GUCY1A2: variants seen among roughly 807,000 people sequenced by gnomAD.
GUCY1A2 encodes guanylate cyclase soluble subunit alpha-2.
Under a neutral mutation model 63.5 loss-of-function variants are expected in GUCY1A2, and 27 were observed. The ratio of observed to expected loss-of-function variants is 0.43; its 90% CI spans 0.31 to 0.59. The LOEUF (loss-of-function observed/expected upper bound fraction) is 0.59. GUCY1A2 is among the 20% of genes least tolerant of loss of function. GUCY1A2 has a pLI of 0.11. For synonymous variants in GUCY1A2, 364 were observed against 343.5 expected (o/e 1.06, Z -0.66); for missense variants, 768 against 913.3 (o/e 0.84, Z 2.05).
At chr11:106,997,392 G>A (rs1343264858) in intron 1 of GUCY1A2, among the ~76,000 whole-genome samples, 1 of 152,094 alleles carries the variant, frequency 6.6e-6, no homozygotes, top group African/African-American at 2.4e-5. Context: ...CAGAAGCCCA[G>A]AGCATACAAA....
In GUCY1A2 at chr11:106,676,926, AAC is replaced by A. The variant is rs894639422; in HGVS notation, c.*10621_*10622del. On this transcript the variant is annotated 3_prime_UTR_variant, in exon 8 of 8. Transcript: ENST00000526355. ...AAAGTGTTTAAATTCAATGAAAATG[AAC>A]ACACATAGATTTTTATAGACCCACA... is the stretch of plus-strand genomic sequence containing the variant. The A allele has an allele frequency of 1.4e-5, 3 of 208,032 alleles. No homozygotes were observed. The highest frequency in any genetic ancestry group is 2.9e-5 in the Non-Finnish European group (3 of 101,826). 12.9% of individuals were successfully genotyped at this position (208,032 alleles called of 1,614,324 possible). A position where few individuals can be genotyped will look rare whatever the true frequency, so the allele number is the denominator to read the frequency against.
chr11:106,797,497 C>T (rs1383489956), intron 5 of GUCY1A2, among the ~76,000 whole-genome samples: 4 of 152,242 alleles, frequency 2.6e-5, no homozygotes, highest in South Asian at 2.1e-4. Flanking sequence ...AGCACCACAT[C>T]GCAGTTATTC....
At chr11:106,803,224 C>A (rs547653822) in intron 5 of GUCY1A2, among the ~76,000 whole-genome samples, 1 of 152,142 alleles carries the variant, frequency 6.6e-6, no homozygotes, top group African/African-American at 2.4e-5. Flanking sequence ...AGACATCCCA[C>A]GAGTCATTCT....
intron 1 of GUCY1A2, among the ~76,000 whole-genome samples, chr11:106,993,703 C>T (rs755944648): frequency 1.9e-4 from 29 of 152,056 alleles, no homozygotes; most frequent in Admixed American, 6.6e-4. Flanking sequence ...ATCCGAAAAA[C>T]ATATGTAAGA....
At position 106,680,832 on chromosome 11, in the gene GUCY1A2, G is replaced by A. The variant is rs1862420637; in HGVS notation, c.*6717C>T. 1 of 207,042 alleles carries A rather than the reference G, an allele frequency of 4.8e-6. No individual in the cohort carries two copies. The highest frequency in any genetic ancestry group is 9.9e-6 in the Non-Finnish European group (1 of 101,470). The allele number at this position is 207,042 out of a possible 1,614,324, so 12.8% of individuals were successfully genotyped here. A position where few individuals can be genotyped will look rare whatever the true frequency, so the allele number is the denominator to read the frequency against. ...AATGGGTTCATATTCATGTTTAGGG[G>A]ATTGTTTACCTTGCAGGGCAATAAT... On this transcript the variant is annotated 3_prime_UTR_variant, in exon 8 of 8. Transcript: ENST00000526355.
intron 4 of GUCY1A2, among the ~76,000 whole-genome samples, chr11:106,931,012 C>A (rs1305651949): frequency 6.6e-6 from 1 of 152,226 alleles, no homozygotes; most frequent in Non-Finnish European, 1.5e-5. Context: ...AAAGCCCAGA[C>A]TTACATTTCT....
At position 106,924,512 on chromosome 11, in the gene GUCY1A2, A is replaced by G. The variant is rs113942767; in HGVS notation, c.1206+14948T>C. ...TGGCACAGGCTCTATCTAGAGCCTG[A>G]CCATTTGGGTCCAATATTGTCCTTG... On this transcript the variant is annotated intron_variant, in intron 4 of 7. Transcript: ENST00000526355. 1.3e-3 allele frequency among the ~76,000 whole-genome samples: 197 copies of G among 152,314 alleles called. 1 individual carries two copies. The highest frequency in any genetic ancestry group is 4.5e-3 in the African/African-American group (185 of 41,570).
At chr11:106,786,266 TC>T (rs374392302) in intron 5 of GUCY1A2, among the ~76,000 whole-genome samples, 2,119 of 152,330 alleles carry the variant, frequency 0.014, 26 homozygotes, top group Middle Eastern at 0.051. Context: ...CTTCATTCTT[TC>T]TTTAAAAAAA....
intron 1 of GUCY1A2, among the ~76,000 whole-genome samples, chr11:107,013,890 G>A (rs1246520853): frequency 6.6e-6 from 1 of 152,038 alleles, no homozygotes; most frequent in Non-Finnish European, 1.5e-5. Flanking sequence ...GAAGTTCCAT[G>A]AAATCAAAGA....
At chr11:106,999,171 A>C (rs1313455002) in intron 1 of GUCY1A2, among the ~76,000 whole-genome samples, 2 of 152,234 alleles carry the variant, frequency 1.3e-5, no homozygotes, top group African/African-American at 2.4e-5. Flanking sequence ...ATTTTACATT[A>C]GGTATTTAAA....
rs189105205 is a variant in GUCY1A2 at position 106,865,821 on chromosome 11, C to T, written c.1207-55343G>A. ...TAATAATAATAATAATAAAAAGAAA[C>T]ATAATCCCAGACTTGAATTCTTTCT... On this transcript the variant is annotated intron_variant, in intron 4 of 7. Transcript: ENST00000526355. 1.9e-3 allele frequency among the ~76,000 whole-genome samples: 293 copies of T among 151,598 alleles called. 2 individuals carry two copies. The highest frequency in any genetic ancestry group is 7.2e-4 in the Non-Finnish European group (49 of 67,862).
chr11:106,683,221 A>C lies in GUCY1A2; in HGVS notation c.*4328T>G, dbSNP rs1031710943. ...TAAGCTATGATTATAGAAGCCTCTG[A>C]AATGACATAATTTTTGTAGCTGAAG... is the stretch of plus-strand genomic sequence containing the variant. On this transcript the variant is annotated 3_prime_UTR_variant, in exon 8 of 8. Transcript: ENST00000526355. The C allele has an allele frequency of 4.6e-6, 1 of 216,228 alleles. No individual in the cohort carries two copies. Among genetic ancestry groups the C allele is most frequent in the African/African-American group, 2.3e-5 (1 of 44,406 alleles). The allele number at this position is 216,228 out of a possible 1,614,324, so 13.4% of individuals were successfully genotyped here. A position where few individuals can be genotyped will look rare whatever the true frequency, so the allele number is the denominator to read the frequency against.
chr11:107,015,586 A>C (rs1051665829), intron 1 of GUCY1A2, among the ~76,000 whole-genome samples: 2 of 147,878 alleles, frequency 1.4e-5, no homozygotes, highest in Non-Finnish European at 3.0e-5. Flanking sequence ...AAAAAAAAAA[A>C]AAAAAAAAAA....
In GUCY1A2 at chr11:107,017,948, C is replaced by A; in HGVS notation, c.108G>T (p.Trp36Cys). ...GCCCGGGCGGGCTCCGGCTGCCATT[C>A]CAGCAGAGCCTAGACAGGGGGCACT... is the stretch of plus-strand genomic sequence containing the variant. The part of the protein sequence containing the change: ...EGECPLSRLC[W>C]NGSRSPPGPL... The change falls in exon 1 of 8, where the codon TGG becomes TGT. Residue 36 changes from tryptophan to cysteine, a missense_variant. Physicochemically the swap from Trp to Cys is radical, Grantham distance 215. Transcript: ENST00000526355. The A allele has an allele frequency of 1.5e-6, 2 of 1,376,186 alleles. No individual in the cohort carries two copies. The highest frequency in any genetic ancestry group is 1.9e-6 in the Non-Finnish European group (2 of 1,055,534). 85.2% of individuals were successfully genotyped at this position (1,376,186 alleles called of 1,614,324 possible).
intron 3 of GUCY1A2, among the ~76,000 whole-genome samples, chr11:106,950,905 C>T (rs529331268): frequency 6.6e-6 from 1 of 152,226 alleles, no homozygotes; most frequent in African/African-American, 2.4e-5. Flanking sequence ...CCTCACCCTC[C>T]AACAGGCCAT....
rs1368865654 is a variant in GUCY1A2 at position 106,799,546 on chromosome 11, T to C, written c.1692+10447A>G. Among the ~76,000 whole-genome samples the C allele has an allele frequency of 2.0e-5, 3 of 152,148 alleles. No individual in the cohort carries two copies. The East Asian group carries it at 5.8e-4, about 29-fold the overall frequency. ...TGGTACTGGTACCAAAACAGAGATG[T>C]AGACCAATGGTACAGAACAGAGTTC... On this transcript the variant is annotated intron_variant, in intron 5 of 7. Transcript: ENST00000526355.
At chr11:106,834,596 G>A (rs10890604) in intron 4 of GUCY1A2, among the ~76,000 whole-genome samples, 39,202 of 151,822 alleles carry the variant, frequency 0.26, 5,346 homozygotes, top group Admixed American at 0.34. Flanking sequence ...GCAGTAGGCT[G>A]GAAGGATCCT....
At chr11:107,015,623 T>C (rs898913375) in intron 1 of GUCY1A2, among the ~76,000 whole-genome samples, 2 of 120,780 alleles carry the variant, frequency 1.7e-5, no homozygotes, top group African/African-American at 3.1e-5. Context: ...TCAACAATTC[T>C]CCCCAAACTA....
intron 4 of GUCY1A2, among the ~76,000 whole-genome samples, chr11:106,935,286 G>C (rs1048644003): frequency 1.3e-5 from 2 of 152,100 alleles, no homozygotes; most frequent in African/African-American, 4.8e-5. Flanking sequence ...AGGTGGAAAG[G>C]AACACAACTA....
Sources: allele counts gnomAD v4.1 joint callset (sites outside exome capture counted in the v4.1 genomes callset), GRCh38; gene constraint gnomAD v4.1.1; transcripts MANE v1.5; gene names NCBI Gene and HGNC (gene_info 2026-07-23, HGNC 2026-07-21).